AMN: variants seen among roughly 807,000 people sequenced by gnomAD.
The protein encoded by AMN is amnion associated transmembrane protein.
Under a neutral mutation model 49.1 loss-of-function variants are expected in AMN, and 40 were observed. The observed-to-expected ratio is 0.81, with a 90% CI of 0.63 to 1.06. The LOEUF (loss-of-function observed/expected upper bound fraction) is 1.06, where lower values mean the gene tolerates loss of function less well. AMN is among the 50% of genes least tolerant of loss of function. The pLI is 0.00. For missense variants in AMN, 701 were observed against 662.8 expected, an observed-to-expected ratio of 1.06 and a Z score of -0.63; for synonymous variants, 380 against 313.3, an observed-to-expected ratio of 1.21 and a Z score of -2.25.
chr14:102,928,979 A>G lies in AMN; in HGVS notation c.513+4A>G, dbSNP rs2139309596. On this transcript the variant is annotated splice_donor_region_variant and intron_variant, in intron 5 of 11. Coordinates refer to ENST00000299155, the MANE Select transcript of AMN (RefSeq NM_030943.4). Reference sequence around the variant, plus strand: ...CAGCATCTCGGCTCTGGGCCGGGTGAGCACTGAGGGGAGGGAGGCTCGGGT... The same window carrying G: ...CAGCATCTCGGCTCTGGGCCGGGTGGGCACTGAGGGGAGGGAGGCTCGGGT... 1 of 1,597,798 alleles carries G rather than the reference A, an allele frequency of 6.3e-7. No individual in the cohort carries two copies. The highest frequency in any genetic ancestry group is 1.1e-5 in the South Asian group (1 of 90,962).
intron 3 of AMN, among the ~76,000 whole-genome samples, chr14:102,926,188 G>GT (rs1891182898): frequency 2.6e-5 from 4 of 152,288 alleles, no homozygotes; most frequent in Admixed American, 2.6e-4. Flanking sequence ...TTAGAACTGT[G>GT]TTTTTTCTGT....
At chr14:102,925,019 C>T (rs1051506423) in intron 3 of AMN, among the ~76,000 whole-genome samples, 13 of 152,218 alleles carry the variant, frequency 8.5e-5, no homozygotes, top group Admixed American at 2.0e-4. Flanking sequence ...TGAGTATCCT[C>T]GGTGGCCACT....
At chr14:102,925,868 C>A (rs150261736) in intron 3 of AMN, among the ~76,000 whole-genome samples, 37 of 152,286 alleles carry the variant, frequency 2.4e-4, no homozygotes, top group African/African-American at 8.9e-4. Context: ...GGCTATGTTG[C>A]CCTCCACACC....
intron 1 of AMN, chr14:102,923,312 T>C: frequency 3.2e-6 from 1 of 313,576 alleles, no homozygotes; most frequent in South Asian, 3.0e-5. Context: ...CAGGTAGGAC[T>C]CCTCCGGGAA....
Position 102,930,039 on chromosome 14 carries a change from G to C in AMN, c.959G>C (p.Gly320Ala). 1 of 1,549,982 alleles carries C rather than the reference G, an allele frequency of 6.5e-7. No homozygotes were observed. The highest frequency in any genetic ancestry group is 8.7e-7 in the Non-Finnish European group (1 of 1,147,806). The part of the protein sequence containing the change: ...VLVENGPETG[G>A]AGRLARALLA... ...GTGGAGAATGGGCCCGAGACAGGCGGAGCGGGGCGGCTGGCCCGGGCCCTC... is the reference window on the plus strand; with the variant it reads ...GTGGAGAATGGGCCCGAGACAGGCGCAGCGGGGCGGCTGGCCCGGGCCCTC... The change falls in exon 9 of 12, where the codon GGA (glycine) becomes GCA (alanine). Residue 320 changes from glycine (G) to alanine (A), a missense_variant. Gly to Ala is a moderately conservative substitution (Grantham distance 60). Transcript: ENST00000299155.
chr14:102,930,341 G>C lies in AMN; in HGVS notation c.1169+14G>C, dbSNP rs893901326. ...GGGGAGGCTCAGGTACGCGGGGCGG[G>C]GGCGCGGAGGTGGGGCTGGGGGTTG... On this transcript the variant is annotated intron_variant, in intron 10 of 11. Coordinates refer to ENST00000299155, the MANE Select transcript of AMN (RefSeq NM_030943.4). 3 of 1,410,862 alleles carry C rather than the reference G, an allele frequency of 2.1e-6. No individual in the cohort carries two copies. The African/African-American group carries it at 4.5e-5, about 21-fold the overall frequency. The allele number at this position is 1,410,862 out of a possible 1,614,324, so 87.4% of individuals were successfully genotyped here.
chr14:102,928,391 C>T (rs1278808267), intron 3 of AMN, 35 bp from the exon 4 acceptor site: 3 of 1,552,526 alleles, frequency 1.9e-6, no homozygotes, highest in African/African-American at 2.7e-5. Flanking sequence ...GCCCGGACCC[C>T]CGCGTGGCGC....
intron 3 of AMN, among the ~76,000 whole-genome samples, chr14:102,926,328 G>T (rs963519218): frequency 2.0e-5 from 3 of 152,084 alleles, no homozygotes; most frequent in African/African-American, 7.2e-5. Flanking sequence ...AGCATCCTCC[G>T]CCTTGCCCTT....
intron 3 of AMN, among the ~76,000 whole-genome samples, chr14:102,927,149 C>T (rs1403284974): frequency 6.6e-6 from 1 of 152,184 alleles, no homozygotes; most frequent in Non-Finnish European, 1.5e-5. Context: ...CCGCTTCGGC[C>T]TTCCAAAGTG....
At chr14:102,929,770 C>T (rs1361242643) in intron 8 of AMN, 33 bp downstream of exon 8, 2 of 1,548,002 alleles carry the variant, frequency 1.3e-6, no homozygotes, top group South Asian at 1.2e-5. Context: ...TGAGGGGAGT[C>T]CCGACCCCAG....
intron 3 of AMN, among the ~76,000 whole-genome samples, chr14:102,926,262 C>T (rs1333879503): frequency 6.6e-6 from 1 of 152,234 alleles, no homozygotes; most frequent in Admixed American, 6.5e-5. Flanking sequence ...CTATGGGGCA[C>T]GTGCACCAGC....
chr14:102,929,103 G>A lies in AMN; in HGVS notation c.514-18G>A. On this transcript the variant is annotated intron_variant, in intron 5 of 11. Transcript: ENST00000299155. ...CTCTTCCTCGGGCTGGCTCCGGTGG[G>A]GACCCGGCTGCCCGCAGACGTTCAC... 3 of 1,597,632 alleles carry A rather than the reference G, an allele frequency of 1.9e-6. No homozygotes were observed. The highest frequency in any genetic ancestry group is 2.5e-6 in the Non-Finnish European group (3 of 1,179,640).
In AMN at chr14:102,930,004, G is replaced by C; in HGVS notation, c.924G>C (p.Gln308His). ...SRLREADTEI[Q>H]VVLVENGPET... ...TCCGTGAGGCCGATACGGAGATCCA[G>C]GTGGTGCTGGTGGAGAATGGGCCCG... Residue 308 changes from glutamine to histidine, a missense_variant, in exon 9 of 12, where the codon CAG becomes CAC. By Grantham distance (24) the Gln-to-His change is conservative (BLOSUM62 0). Transcript: ENST00000299155. 6.4e-7 allele frequency: 1 copy of C among 1,558,932 alleles called. No individual in the cohort carries two copies. The highest frequency in any genetic ancestry group is 1.2e-5 in the South Asian group (1 of 84,560).
chr14:102,929,412 C>G lies in AMN; in HGVS notation c.652-16C>G. ...CCGCTCTGGCCCTCCGCGCTGACCACCGCCCCTCGCACCAGGCGCAGCCGT... is the reference window on the plus strand; with the variant it reads ...CCGCTCTGGCCCTCCGCGCTGACCAGCGCCCCTCGCACCAGGCGCAGCCGT... On this transcript the variant is annotated splice_polypyrimidine_tract_variant and intron_variant, in intron 6 of 11. Coordinates refer to ENST00000299155, the MANE Select transcript of AMN (RefSeq NM_030943.4). The G allele has an allele frequency of 6.5e-7, 1 of 1,529,742 alleles. No homozygotes were observed. Among genetic ancestry groups the G allele is most frequent in the Non-Finnish European group, 8.7e-7 (1 of 1,144,732 alleles). 94.8% of individuals were successfully genotyped at this position (1,529,742 alleles called of 1,614,324 possible).
In AMN at chr14:102,929,420, C is replaced by A; in HGVS notation, c.652-8C>A. On this transcript the variant is annotated splice_region_variant and splice_polypyrimidine_tract_variant and intron_variant, in intron 6 of 11. Transcript: ENST00000299155. ...GCCCTCCGCGCTGACCACCGCCCCTCGCACCAGGCGCAGCCGTGGATCTGC... is the reference window on the plus strand; with the variant it reads ...GCCCTCCGCGCTGACCACCGCCCCTAGCACCAGGCGCAGCCGTGGATCTGC... 1 of 1,530,090 alleles carries A rather than the reference C, an allele frequency of 6.5e-7. No individual in the cohort carries two copies. Among genetic ancestry groups the A allele is most frequent in the Non-Finnish European group, 8.7e-7 (1 of 1,144,928 alleles). 94.8% of individuals were successfully genotyped at this position (1,530,090 alleles called of 1,614,324 possible). A position where few individuals can be genotyped will look rare whatever the true frequency, so the allele number is the denominator to read the frequency against.
At chr14:102,929,891 G>T (rs1472652404) in intron 8 of AMN, 33 bp from the exon 9 acceptor site, 1 of 1,550,078 alleles carries the variant, frequency 6.5e-7, no homozygotes, top group Non-Finnish European at 8.7e-7. Context: ...AGGGCGGGGG[G>T]CTGAGTCAAA....
chr14:102,924,485 C>A (rs1238750177), intron 3 of AMN, among the ~76,000 whole-genome samples: 2 of 152,198 alleles, frequency 1.3e-5, no homozygotes, highest in African/African-American at 4.8e-5. Flanking sequence ...TGTCACTGCG[C>A]CAGCGAGGGG....
rs1310300312 is a variant in AMN at position 102,928,850 on chromosome 14, G to A, written c.388G>A (p.Val130Met). 1.2e-6 allele frequency: 2 copies of A among 1,605,322 alleles called. No homozygotes were observed. Among genetic ancestry groups the A allele is most frequent in the Non-Finnish European group, 1.7e-6 (2 of 1,179,818 alleles). The part of the protein sequence containing the change: ...SGDEAPGLFF[V>M]DAERVPCRHD... ...GGACGAGGCACCTGGCCTCTTCTTC[G>A]TGGACGCCGAGCGCGTGCCCTGCCG... is the stretch of plus-strand genomic sequence containing the variant. The change falls in exon 5 of 12, where the codon GTG becomes ATG. Residue 130 changes from valine to methionine, a missense_variant. Transcript: ENST00000299155.
At chr14:102,924,022 A>T in intron 3 of AMN, 43 bp downstream of exon 3, 2 of 1,612,942 alleles carry the variant, frequency 1.2e-6, no homozygotes, top group Non-Finnish European at 1.7e-6. Context: ...GGGTTCACAG[A>T]GTCTCTGAAG....
Sources: gnomAD v4.1 joint callset for allele counts (sites outside exome capture counted in the v4.1 genomes callset) on GRCh38, gnomAD v4.1.1 for gene constraint, MANE v1.5 for transcripts, NCBI Gene and HGNC (gene_info 2026-07-23, HGNC 2026-07-21) for gene names.